The following TEX12 variants were observed in gnomAD, a reference collection of about 807,000 sequenced individuals.
TEX12 encodes the protein testis-expressed protein 12.
Under a neutral mutation model 14.6 loss-of-function variants are expected in TEX12, and 7 were observed. That is an observed-to-expected ratio of 0.48 (90% CI 0.27 to 0.90). The LOEUF (loss-of-function observed/expected upper bound fraction) is 0.90, where lower values mean the gene tolerates loss of function less well. Among genes scored for constraint, TEX12 ranks in the 40% least tolerant of loss-of-function variants. The pLI, the probability that TEX12 is intolerant of heterozygous loss-of-function variation, is 0.12. For missense variants in TEX12, 121 were observed against 135.7 expected (o/e 0.89, Z 0.54); for synonymous variants, 57 against 49.1 (o/e 1.16, Z -0.67).
chr11:112,169,987 A>G (rs730879), intron 2 of TEX12, among the ~76,000 whole-genome samples: 58,367 of 151,992 alleles, frequency 0.38, 11,483 homozygotes, highest in South Asian at 0.6. Context: ...CCTGGGCAAC[A>G]CTGCAATACA....
intron 4 of TEX12, 45 bp from the exon 5 acceptor site, chr11:112,171,727 T>C: frequency 3.3e-6 from 4 of 1,198,526 alleles, no homozygotes; most frequent in Non-Finnish European, 4.4e-6. Flanking sequence ...ATAATGATGT[T>C]GTTTATATCT....
Position 112,169,288 on chromosome 11 carries a change from T to C in TEX12, c.20T>C (p.Val7Ala), listed in dbSNP as rs1866763131. ...CGGAATATGATGGCAAATCACCTTG[T>C]AAAGCCTGATAATAGAAATTGCAAG... Reference protein sequence around the residue: MMANHLVKPDNRNCKRP... With the variant: MMANHLAKPDNRNCKRP... Residue 7 changes from valine to alanine, a missense_variant, in exon 2 of 5, where the codon GTA (valine) becomes GCA (alanine). Val to Ala is a moderately conservative substitution (Grantham distance 64). Transcript: ENST00000280358. 6.2e-7 allele frequency: 1 copy of C among 1,613,854 alleles called. No homozygotes were observed. Among genetic ancestry groups the C allele is most frequent in the African/African-American group, 1.3e-5 (1 of 74,936 alleles).
intron 1 of TEX12, 48 bp from the exon 2 acceptor site, chr11:112,169,205 G>A: frequency 8.0e-7 from 1 of 1,255,494 alleles, no homozygotes; most frequent in Non-Finnish European, 1.2e-6. Flanking sequence ...CAGAGAGCTT[G>A]TAGCATGGAG....
chr11:112,168,832 G>A (rs1423938448), intron 1 of TEX12, among the ~76,000 whole-genome samples: 4 of 152,282 alleles, frequency 2.6e-5, no homozygotes, highest in East Asian at 1.9e-4. Flanking sequence ...GATTACAGCC[G>A]TGAGCCAGCG....
At chr11:112,171,280 A>G (rs543134794) in intron 4 of TEX12, among the ~76,000 whole-genome samples, 15 of 152,218 alleles carry the variant, frequency 9.9e-5, no homozygotes, top group Non-Finnish European at 1.8e-4. Context: ...ATATGCAAAT[A>G]CTATGGCATT....
At chr11:112,168,520 G>A (rs1293981187) in intron 1 of TEX12, among the ~76,000 whole-genome samples, 1 of 151,304 alleles carries the variant, frequency 6.6e-6, no homozygotes, top group East Asian at 1.9e-4. Flanking sequence ...TGTAAGACCT[G>A]TTTAAACATT....
chr11:112,169,392 C>T lies in TEX12; in HGVS notation c.63+61C>T, dbSNP rs533526385. 64 of 1,334,052 alleles carry T rather than the reference C, an allele frequency of 4.8e-5. No individual in the cohort carries two copies. In the South Asian group the frequency reaches 7.2e-4, roughly 15 times the overall value. 82.6% of individuals were successfully genotyped at this position (1,334,052 alleles called of 1,614,324 possible). On this transcript the variant is annotated intron_variant, in intron 2 of 4. Coordinates refer to ENST00000280358, the MANE Select transcript of TEX12 (RefSeq NM_031275.4). ...TCTGTTTTACATACTACTCAAATTT[C>T]TTCCCTTTAAGAAAGCTCTATAGAT...
At chr11:112,171,382 C>G (rs1462660350) in intron 4 of TEX12, among the ~76,000 whole-genome samples, 1 of 151,952 alleles carries the variant, frequency 6.6e-6, no homozygotes, top group Non-Finnish European at 1.5e-5. Flanking sequence ...TGAGGGATGA[C>G]TGTATTTATA....
chr11:112,169,100 G>A, intron 1 of TEX12, 153 bp from the exon 2 acceptor site: 1 of 653,162 alleles, frequency 1.5e-6, no homozygotes. Context: ...TTGATAGAAT[G>A]ATTTAGAGGA....
intron 1 of TEX12, 43 bp from the exon 2 acceptor site, chr11:112,169,210 A>G (rs1321533429): frequency 1.5e-6 from 2 of 1,310,512 alleles, no homozygotes; most frequent in Non-Finnish European, 2.2e-6. Context: ...AGCTTGTAGC[A>G]TGGAGTTTGT....
Position 112,171,839 on chromosome 11 carries a change from A to G in TEX12, c.295A>G (p.Ile99Val), listed in dbSNP as rs767370376. The G allele has an allele frequency of 2.7e-5, 44 of 1,600,732 alleles. No individual in the cohort carries two copies. Among genetic ancestry groups the G allele is most frequent in the South Asian group, 1.2e-4 (11 of 88,484 alleles). The stretch of plus-strand genomic sequence containing the variant: ...TGAACTCTTCAAAGAAGCCAATGCT[A>G]TTGAAAACTTTCTAATACAAAAAAG... ...IDELFKEANA[I>V]ENFLIQKREF... Residue 99 changes from isoleucine to valine, a missense_variant, in exon 5 of 5, where the codon ATT becomes GTT. Ile to Val is a conservative substitution (Grantham distance 29). Coordinates refer to ENST00000280358, the MANE Select transcript of TEX12 (RefSeq NM_031275.4).
At chr11:112,171,744 T>C in intron 4 of TEX12, 28 bp from the exon 5 acceptor site, 1 of 1,420,266 alleles carries the variant, frequency 7.0e-7, no homozygotes, top group Non-Finnish European at 9.4e-7. Flanking sequence ...ATCTACTTAG[T>C]TTAATATACA....
chr11:112,169,245 C>T lies in TEX12; in HGVS notation c.-16-8C>T, dbSNP rs1440045289. The T allele has an allele frequency of 1.9e-6, 3 of 1,606,568 alleles. No individual in the cohort carries two copies. The highest frequency in any genetic ancestry group is 2.6e-6 in the Non-Finnish European group (3 of 1,173,268). On this transcript the variant is annotated splice_polypyrimidine_tract_variant and splice_region_variant and intron_variant, in intron 1 of 4. Transcript: ENST00000280358. ...TACCTAAATCTGGCATTGTTCTAAG[C>T]TTTGTAGCTGGTGCCTTCGGAATAT... is the stretch of plus-strand genomic sequence containing the variant.
In TEX12 at chr11:112,170,488, G is replaced by A. The variant is rs780426080; in HGVS notation, c.133G>A (p.Gly45Arg). 7 of 1,613,322 alleles carry A rather than the reference G, an allele frequency of 4.3e-6. No homozygotes were observed. Among genetic ancestry groups the A allele is most frequent in the African/African-American group, 4.0e-5 (3 of 74,820 alleles). ...AGATTCATCTTTCTCTGAAATTTCC[G>A]GACTATTTTATAAAGATGAAGCCTT... Reference protein sequence around the residue: ...KSDSSFSEISGLFYKDEALEK... With the variant: ...KSDSSFSEISRLFYKDEALEK... The change falls in exon 3 of 5, where the codon GGA becomes AGA. Residue 45 changes from glycine (G) to arginine (R), a missense_variant. Gly to Arg is a moderately radical substitution (Grantham distance 125, BLOSUM62 -2). Transcript: ENST00000280358.
chr11:112,172,008 A>T lies in TEX12; in HGVS notation c.*92A>T. On this transcript the variant is annotated 3_prime_UTR_variant, in exon 5 of 5. Coordinates refer to ENST00000280358, the MANE Select transcript of TEX12 (RefSeq NM_031275.4). The stretch of plus-strand genomic sequence containing the variant: ...GCTTTGAAAGCTCTCGAGTTGTTAA[A>T]GAAAATGTATATCTCGAATAGAGAA... The T allele has an allele frequency of 2.9e-6, 3 of 1,023,852 alleles. No homozygotes were observed. Among genetic ancestry groups the T allele is most frequent in the Non-Finnish European group, 4.0e-6 (3 of 757,738 alleles). The allele number at this position is 1,023,852 out of a possible 1,614,324, so 63.4% of individuals were successfully genotyped here.
At chr11:112,171,674 TTTAAATG>T (rs1866791735) in intron 4 of TEX12, 91 bp from the exon 5 acceptor site, 1 of 802,726 alleles carries the variant, frequency 1.2e-6, no homozygotes, top group Admixed American at 3.2e-5. Flanking sequence ...CATAAAGCCA[TTTAAATG>T]AAATAGTTAA....
chr11:112,169,997 A>G (rs1228553348), intron 2 of TEX12, among the ~76,000 whole-genome samples: 1 of 152,116 alleles, frequency 6.6e-6, no homozygotes, highest in Non-Finnish European at 1.5e-5. Flanking sequence ...ACTGCAATAC[A>G]TTGTCTCTGA....
At chr11:112,168,897 A>G (rs1375173704) in intron 1 of TEX12, among the ~76,000 whole-genome samples, 4 of 152,246 alleles carry the variant, frequency 2.6e-5, no homozygotes, top group Admixed American at 2.6e-4. Flanking sequence ...ACAAGGCAGA[A>G]TTGCCAGAGA....
In TEX12 at chr11:112,171,944, T is replaced by A; in HGVS notation, c.*28T>A. The A allele has an allele frequency of 5.0e-6, 7 of 1,401,726 alleles. No homozygotes were observed. The highest frequency in any genetic ancestry group is 6.6e-6 in the Non-Finnish European group (7 of 1,063,980). 86.8% of individuals were successfully genotyped at this position (1,401,726 alleles called of 1,614,324 possible). Reference sequence around the variant, plus strand: ...TATATACTTGAAATAAGCTGAGAATTTAAACCTATTATTGTTATAATGAAA... The same window carrying A: ...TATATACTTGAAATAAGCTGAGAATATAAACCTATTATTGTTATAATGAAA... On this transcript the variant is annotated 3_prime_UTR_variant, in exon 5 of 5. Transcript: ENST00000280358.
Sources: allele counts gnomAD v4.1 joint callset (sites outside exome capture counted in the v4.1 genomes callset), GRCh38; gene constraint gnomAD v4.1.1; transcripts MANE v1.5; gene names NCBI Gene and HGNC (gene_info 2026-07-23, HGNC 2026-07-21).